LINGO2: variants seen among roughly 807,000 people sequenced by gnomAD.
LINGO2 encodes leucine rich repeat and Ig domain containing 2.
LINGO2 carries 14 observed loss-of-function variants against 30.6 expected under a neutral mutation model. The observed-to-expected ratio is 0.46, with a 90% CI of 0.30 to 0.72. LINGO2 has a LOEUF of 0.72. Ranked by LOEUF, LINGO2 falls within the 30% of genes least tolerant of loss-of-function variation. LINGO2 has a pLI of 0.07. For missense variants in LINGO2, 729 were observed against 751.7 expected, an observed-to-expected ratio of 0.97 and a Z score of 0.35; for synonymous variants, 317 against 288.5, an observed-to-expected ratio of 1.10 and a Z score of -1.00.
At chr9:28,384,733 T>A (rs1197355039) in intron 2 of LINGO2, among the ~76,000 whole-genome samples, 1 of 151,972 alleles carries the variant, frequency 6.6e-6, no homozygotes, top group Non-Finnish European at 1.5e-5. Context: ...TCTTGCAACA[T>A]CCCCTAAGAT....
intron 1 of LINGO2, among the ~76,000 whole-genome samples, chr9:28,565,288 T>C (rs1004588902): frequency 3.3e-5 from 5 of 151,428 alleles, no homozygotes; most frequent in Non-Finnish European, 5.9e-5. Flanking sequence ...CCTGGGTTCA[T>C]GCCATTCTCC....
At chr9:28,646,871 T>A (rs913946958) in intron 1 of LINGO2, among the ~76,000 whole-genome samples, 1 of 152,148 alleles carries the variant, frequency 6.6e-6, no homozygotes, top group Non-Finnish European at 1.5e-5. Context: ...TAATTGATAC[T>A]TTAGTGTTTC....
chr9:28,346,107 T>C (rs1819556022), intron 3 of LINGO2, among the ~76,000 whole-genome samples: 1 of 152,142 alleles, frequency 6.6e-6, no homozygotes, highest in South Asian at 2.1e-4. Flanking sequence ...TGCAGGTTTG[T>C]TATATAAACT....
At chr9:27,965,167 CAGG>C (rs1820037698) in intron 5 of LINGO2, among the ~76,000 whole-genome samples, 1 of 152,002 alleles carries the variant, frequency 6.6e-6, no homozygotes, top group African/African-American at 2.4e-5. Flanking sequence ...CTCCTGATTT[CAGG>C]AGAAGGGGAA....
chr9:28,012,170 C>G (rs966116229), intron 5 of LINGO2, among the ~76,000 whole-genome samples: 3 of 151,998 alleles, frequency 2.0e-5, no homozygotes, highest in Admixed American at 1.3e-4. Context: ...TTTCTTTTTG[C>G]CCACCACAGG....
At chr9:28,833,316 C>A in the LINGO2 span, among the ~76,000 whole-genome samples, 1 of 152,146 alleles carries the variant, frequency 6.6e-6, no homozygotes, top group Non-Finnish European at 1.5e-5. Context: ...CTCTATAGTA[C>A]CTTTTAGAAG....
At chr9:28,070,344 T>A (rs2133170102) in intron 4 of LINGO2, among the ~76,000 whole-genome samples, 1 of 152,160 alleles carries the variant, frequency 6.6e-6, no homozygotes, top group South Asian at 2.1e-4. Flanking sequence ...CTCTAATCCT[T>A]TTGACTATCA....
the LINGO2 span, among the ~76,000 whole-genome samples, chr9:28,920,142 A>G: frequency 6.6e-6 from 1 of 152,102 alleles, no homozygotes; most frequent in Non-Finnish European, 1.5e-5. Context: ...GAAATTACTC[A>G]AAGGCATAGA....
At chr9:28,543,943 A>T (rs1587831500) in intron 1 of LINGO2, among the ~76,000 whole-genome samples, 1 of 152,020 alleles carries the variant, frequency 6.6e-6, no homozygotes, top group Non-Finnish European at 1.5e-5. Context: ...AGTGGCTCAC[A>T]CCTGTAATAC....
At chr9:28,262,536 C>T (rs1822600741) in intron 4 of LINGO2, among the ~76,000 whole-genome samples, 1 of 151,838 alleles carries the variant, frequency 6.6e-6, no homozygotes, top group African/African-American at 2.4e-5. Context: ...AGTACTAATG[C>T]CTCTATTCTA....
chr9:28,969,034 T>C, the LINGO2 span, among the ~76,000 whole-genome samples: 1 of 152,330 alleles, frequency 6.6e-6, no homozygotes, highest in East Asian at 1.9e-4. Flanking sequence ...TAGTTATATG[T>C]AAATTTTTTT....
chr9:28,143,486 A>T (rs988948343), intron 4 of LINGO2, among the ~76,000 whole-genome samples: 1 of 152,168 alleles, frequency 6.6e-6, no homozygotes, highest in Non-Finnish European at 1.5e-5. Context: ...CAAGTAGCAC[A>T]GGATCAGAAC....
intron 2 of LINGO2, among the ~76,000 whole-genome samples, chr9:28,376,407 C>G (rs1038707030): frequency 6.6e-6 from 1 of 152,162 alleles, no homozygotes; most frequent in African/African-American, 2.4e-5. Context: ...AGGAGCTGTT[C>G]TCAGATGGGA....
the LINGO2 span, among the ~76,000 whole-genome samples, chr9:29,040,350 G>A: frequency 1.3e-5 from 2 of 151,918 alleles, no homozygotes; most frequent in African/African-American, 4.8e-5. Flanking sequence ...TATCGTTGTT[G>A]CAAGTTTATA....
chr9:28,350,950 A>C (rs1164753882), intron 3 of LINGO2, among the ~76,000 whole-genome samples: 2 of 152,042 alleles, frequency 1.3e-5, no homozygotes, highest in Non-Finnish European at 2.9e-5. Context: ...TTTGAAACCA[A>C]CGAGAACAAA....
the LINGO2 span, among the ~76,000 whole-genome samples, chr9:28,947,295 T>C: frequency 1.3e-5 from 2 of 152,132 alleles, no homozygotes; most frequent in African/African-American, 2.4e-5. Context: ...TAGTGGCTTA[T>C]ATTTTAAATA....
At chr9:28,767,702 C>T in the LINGO2 span, among the ~76,000 whole-genome samples, 4 of 144,266 alleles carry the variant, frequency 2.8e-5, no homozygotes, top group Admixed American at 7.6e-5. Flanking sequence ...AAGAGAATGG[C>T]GTGAACCTGG....
rs371511559 is a variant in LINGO2, at chr9:28,056,394, C to A, written c.-86-43989G>T. Among the ~76,000 whole-genome samples, 8 of 152,236 alleles carry A rather than the reference C, an allele frequency of 5.3e-5. No individual in the cohort carries two copies. In the South Asian group the frequency reaches 1.7e-3, roughly 32 times the overall value. On this transcript the variant is annotated intron_variant, in intron 4 of 5. Transcript: ENST00000379992. Reference sequence around the variant, plus strand: ...TATTCAGTAGATCACGACCCTCATTCTTTCAGCCTCCATCAGTTAAATATT... The same window carrying A: ...TATTCAGTAGATCACGACCCTCATTATTTCAGCCTCCATCAGTTAAATATT...
the LINGO2 span, among the ~76,000 whole-genome samples, chr9:29,035,427 C>CA: frequency 4.6e-5 from 7 of 151,760 alleles, no homozygotes; most frequent in Non-Finnish European, 8.8e-5. Context: ...GAACAAAAAA[C>CA]AAAAAAACTT....
Sources: gnomAD v4.1 joint callset for allele counts (sites outside exome capture counted in the v4.1 genomes callset) on GRCh38, gnomAD v4.1.1 for gene constraint, MANE v1.5 for transcripts, NCBI Gene and HGNC (gene_info 2026-07-23, HGNC 2026-07-21) for gene names.